CYB5D2: variants seen among roughly 807,000 people sequenced by gnomAD.
The protein encoded by CYB5D2 is neuferricin.
A neutral mutation model predicts 22.8 loss-of-function variants in CYB5D2; 23 were observed. The observed-to-expected ratio is 1.01, with a 90% CI of 0.73 to 1.43. The LOEUF (loss-of-function observed/expected upper bound fraction) is 1.43. Among genes scored for constraint, CYB5D2 ranks in the 40% most tolerant of loss-of-function variants. The pLI is 0.00. For missense variants in CYB5D2, 373 were observed against 357.2 expected, an observed-to-expected ratio of 1.04 and a Z score of -0.36; for synonymous variants, 170 against 152.2, an observed-to-expected ratio of 1.12 and a Z score of -0.86.
At chr17:4,152,555 T>C (rs1233587684) in intron 2 of CYB5D2, among the ~76,000 whole-genome samples, 2 of 152,290 alleles carry the variant, frequency 1.3e-5, no homozygotes, top group African/African-American at 4.8e-5. Flanking sequence ...TCTAGAACTC[T>C]TCCTCTGTTG....
chr17:4,156,731 G>A lies in CYB5D2; in HGVS notation c.579-135G>A, dbSNP rs558578998. On this transcript the variant is annotated intron_variant, in intron 3 of 3. Coordinates refer to ENST00000301391, the MANE Select transcript of CYB5D2 (RefSeq NM_144611.4). ...CATGAAGGCTCAGGGGCTGAGCGCT[G>A]TAGCCTGCTGCCTTGGGAAACACTC... The A allele has an allele frequency of 5.4e-5, 51 of 937,618 alleles. No individual in the cohort carries two copies. In the East Asian group the frequency reaches 1.3e-3, roughly 24 times the overall value. 58.1% of individuals were successfully genotyped at this position (937,618 alleles called of 1,614,324 possible).
chr17:4,144,924 C>G (rs35050090), intron 1 of CYB5D2, among the ~76,000 whole-genome samples: 23,535 of 152,036 alleles, frequency 0.15, 1,929 homozygotes, highest in East Asian at 0.18. Context: ...ATAGCTGGGA[C>G]TACAGGCGCC....
chr17:4,144,347 A>G lies in CYB5D2; in HGVS notation c.250+342A>G, dbSNP rs556809247. On this transcript the variant is annotated intron_variant, in intron 1 of 3. Coordinates refer to ENST00000301391, the MANE Select transcript of CYB5D2 (RefSeq NM_144611.4). Reference sequence around the variant, plus strand: ...GGCTCTTAGGGCACAGATAAACGAGATCCCGCCCCGCCCCTACCCTCACAG... The same window carrying G: ...GGCTCTTAGGGCACAGATAAACGAGGTCCCGCCCCGCCCCTACCCTCACAG... Among the ~76,000 whole-genome samples the G allele has an allele frequency of 7.2e-4, 110 of 151,968 alleles. 1 individual carries two copies. The Middle Eastern group carries it at 0.017, about 23-fold the overall frequency.
chr17:4,143,724 C>T lies in CYB5D2; in HGVS notation c.-32C>T, dbSNP rs1047212437. ...CTTAGCTGTAGATAGAGGCGGCAAC[C>T]TCGGAAGTGCGGAGCGGGTGGGCCT... On this transcript the variant is annotated 5_prime_UTR_variant, in exon 1 of 4. Coordinates refer to ENST00000301391, the MANE Select transcript of CYB5D2 (RefSeq NM_144611.4). 7 of 1,582,188 alleles carry T rather than the reference C, an allele frequency of 4.4e-6. No homozygotes were observed. In the East Asian group the frequency reaches 9.0e-5, roughly 20 times the overall value.
At chr17:4,146,260 A>AT (rs1377284553) in intron 1 of CYB5D2, among the ~76,000 whole-genome samples, 3 of 150,760 alleles carry the variant, frequency 2.0e-5, no homozygotes, top group Admixed American at 6.6e-5. Context: ...TGTCTGGCTA[A>AT]TTTTTTTTAT....
At chr17:4,155,630 G>A (rs1277143612) in intron 3 of CYB5D2, among the ~76,000 whole-genome samples, 2 of 152,210 alleles carry the variant, frequency 1.3e-5, no homozygotes, top group African/African-American at 4.8e-5. Context: ...ACTTTATGGA[G>A]AGAAGCTAAG....
At chr17:4,150,054 A>G in intron 2 of CYB5D2, 23 bp downstream of exon 2, 1 of 1,612,896 alleles carries the variant, frequency 6.2e-7, no homozygotes, top group Non-Finnish European at 8.5e-7. Flanking sequence ...TAGGTCATAC[A>G]TTTCATTTGG....
chr17:4,149,970 C>T lies in CYB5D2; in HGVS notation c.330C>T (p.Ala110=), dbSNP rs750718885. The T allele has an allele frequency of 5.9e-5, 96 of 1,613,914 alleles. No individual in the cohort carries two copies. Among genetic ancestry groups the T allele is most frequent in the African/African-American group, 1.1e-4 (8 of 74,896 alleles). ...GLVDDVSDLS[A]AEMLTLHNWL... is the part of the protein sequence containing the mutation. ...TGGATGACGTATCCGACCTGTCAGCCGCTGAGATGCTGACACTTCACAATT... is the reference window on the plus strand; with the variant it reads ...TGGATGACGTATCCGACCTGTCAGCTGCTGAGATGCTGACACTTCACAATT... The change falls in exon 2 of 4, where the codon GCC becomes GCT. Residue 110 remains alanine (A), a synonymous_variant. Transcript: ENST00000301391.
upstream of CYB5D2, chr17:4,143,169 TC>T: frequency 2.4e-6 from 1 of 413,992 alleles, no homozygotes; most frequent in Non-Finnish European, 4.0e-6. Flanking sequence ...TGTCTCAGTA[TC>T]TACGTCATTC....
chr17:4,153,992 C>T (rs1248074280), intron 2 of CYB5D2, among the ~76,000 whole-genome samples: 1 of 152,228 alleles, frequency 6.6e-6, no homozygotes, highest in Non-Finnish European at 1.5e-5. Flanking sequence ...GCTTCTCTTG[C>T]CTTGTGGCAG....
chr17:4,144,980 G>A (rs183496031), intron 1 of CYB5D2, among the ~76,000 whole-genome samples: 2 of 152,174 alleles, frequency 1.3e-5, no homozygotes, highest in African/African-American at 4.8e-5. Context: ...TAGAGACGGG[G>A]TTTCACCATG....
In CYB5D2 at chr17:4,156,964, CT is replaced by C; in HGVS notation, c.678del (p.Ser227ValfsTer30). The C allele has an allele frequency of 6.2e-7, 1 of 1,612,860 alleles. No homozygotes were observed. On this transcript the variant is annotated frameshift_variant, in exon 4 of 4. Coordinates refer to ENST00000301391, the MANE Select transcript of CYB5D2 (RefSeq NM_144611.4). LOFTEE classifies it low-confidence loss of function (END_TRUNC). Reference sequence around the variant, plus strand: ...GTGTGTGTGAGAACCACCGGCCCCCCTAGTGGCCAGATGCCGGACAACCCTC... The same window carrying C: ...GTGTGTGTGAGAACCACCGGCCCCCCAGTGGCCAGATGCCGGACAACCCTC... Reference protein sequence around the residue: ...RCVCVRTTGPPSGQMPDNPPH... With the variant: ...RCVCVRTTGPXSGQMPDNPPH...
In CYB5D2 at chr17:4,143,670, G is replaced by C; in HGVS notation, c.-86G>C. The C allele has an allele frequency of 6.6e-7, 1 of 1,511,314 alleles. No individual in the cohort carries two copies. Among genetic ancestry groups the C allele is most frequent in the South Asian group, 1.3e-5 (1 of 75,280 alleles). 93.6% of individuals were successfully genotyped at this position (1,511,314 alleles called of 1,614,324 possible). On this transcript the variant is annotated 5_prime_UTR_variant, in exon 1 of 4. Transcript: ENST00000301391. ...GAGAGAGAGCGAGAGCGCGCGCGCCGATGACGTCACGCTCGGCGTCTCGGC... is the reference window on the plus strand; with the variant it reads ...GAGAGAGAGCGAGAGCGCGCGCGCCCATGACGTCACGCTCGGCGTCTCGGC...
intron 2 of CYB5D2, among the ~76,000 whole-genome samples, chr17:4,151,951 A>G (rs1261893202): frequency 6.6e-6 from 1 of 151,988 alleles, no homozygotes. Flanking sequence ...GGTTGCGATA[A>G]GCCGAGATCA....
rs968655010 is a variant in CYB5D2, at chr17:4,149,943, C to T, written c.303C>T (p.Leu101=). The T allele has an allele frequency of 1.9e-5, 30 of 1,614,042 alleles. No homozygotes were observed. Among genetic ancestry groups the T allele is most frequent in the African/African-American group, 2.7e-5 (2 of 74,922 alleles). ...CCGGGGACTGTTCTGAAGCAGGCCT[C>T]GTGGATGACGTATCCGACCTGTCAG... ...FVTGDCSEAG[L]VDDVSDLSAA... The change falls in exon 2 of 4, where the codon CTC becomes CTT. Residue 101 remains leucine, a synonymous_variant. Transcript: ENST00000301391.
intron 1 of CYB5D2, among the ~76,000 whole-genome samples, chr17:4,147,557 A>G (rs1480149381): frequency 2.6e-5 from 4 of 152,248 alleles, no homozygotes; most frequent in South Asian, 2.1e-4. Context: ...AGTGAACAAT[A>G]AAGAACGTGG....
In CYB5D2 at chr17:4,143,629, G is replaced by GAGCACT. The variant is rs1247729698; in HGVS notation, c.-123_-118dup. On this transcript the variant is annotated 5_prime_UTR_variant, in exon 1 of 4. Transcript: ENST00000301391. ...CGAGAGAGACTAAGGGAGGGAGCGC[G>GAGCACT]AGCACTAGCGCGCGAGAGAGAGAGC... The GAGCACT allele has an allele frequency of 3.0e-6, 4 of 1,351,714 alleles. No individual in the cohort carries two copies. Among genetic ancestry groups the GAGCACT allele is most frequent in the Non-Finnish European group, 4.0e-6 (4 of 993,288 alleles). The allele number at this position is 1,351,714 out of a possible 1,614,324, so 83.7% of individuals were successfully genotyped here.
At chr17:4,150,122 A>G in intron 2 of CYB5D2, 91 bp downstream of exon 2, 1 of 1,497,860 alleles carries the variant, frequency 6.7e-7, no homozygotes, top group Non-Finnish European at 9.1e-7. Context: ...CAAGCTTAAA[A>G]TCTGAAAAAC....
chr17:4,143,989 CTA>C lies in CYB5D2; in HGVS notation c.237_238del (p.Tyr79Ter). 2 of 1,605,550 alleles carry C rather than the reference CTA, an allele frequency of 1.2e-6. No homozygotes were observed. Among genetic ancestry groups the C allele is most frequent in the Non-Finnish European group, 1.7e-6 (2 of 1,175,848 alleles). ...GRRHYEPGSH[Y>X]SGFAGRDASR... is the part of the protein sequence containing the mutation. The stretch of plus-strand genomic sequence containing the variant: ...GGAGGCACTACGAGCCTGGGTCCCA[CTA>C]TAGCGGCTTCGCAGGTATCAGCGAG... On this transcript the variant is annotated frameshift_variant, in exon 1 of 4. Coordinates refer to ENST00000301391, the MANE Select transcript of CYB5D2 (RefSeq NM_144611.4). LOFTEE classifies it high-confidence loss of function.
Sources: allele counts gnomAD v4.1 joint callset (sites outside exome capture counted in the v4.1 genomes callset), GRCh38; gene constraint gnomAD v4.1.1; transcripts MANE v1.5; gene names NCBI Gene and HGNC (gene_info 2026-07-23, HGNC 2026-07-21).